The following ADGRA2 variants were observed in gnomAD, a reference collection of about 807,000 sequenced individuals.
ADGRA2 encodes G-protein coupled receptor 124.
Under a neutral mutation model 98.7 loss-of-function variants are expected in ADGRA2, and 61 were observed. The ratio of observed to expected loss-of-function variants is 0.62; its 90% confidence interval spans 0.50 to 0.76. The LOEUF (loss-of-function observed/expected upper bound fraction) is 0.76, where lower values mean the gene tolerates loss of function less well. Among genes scored for constraint, ADGRA2 ranks in the 30% least tolerant of loss-of-function variants. ADGRA2 has a pLI of 0.00. For missense variants in ADGRA2, 1,712 were observed against 1,860.0 expected (o/e 0.92, Z 1.46); for synonymous variants, 858 against 831.5 (o/e 1.03, Z -0.55).
chr8:37,842,142 G>C lies in ADGRA2; in HGVS notation c.3804G>C (p.Arg1268=). ...CCGCGCCGCTTTCTGAGGCGGGCCG[G>C]GCAGGCCAGCGCCGCAGCGCCAGCC... The part of the protein sequence containing the change: ...TSAAPLSEAG[R]AGQRRSASRD... Residue 1268 remains arginine, a synonymous_variant, in exon 19 of 19, where the codon CGG becomes CGC. Transcript: ENST00000412232. The C allele has an allele frequency of 6.6e-7, 1 of 1,505,424 alleles. No individual in the cohort carries two copies. The highest frequency in any genetic ancestry group is 8.8e-7 in the Non-Finnish European group (1 of 1,133,566). 93.3% of individuals were successfully genotyped at this position (1,505,424 alleles called of 1,614,324 possible).
In ADGRA2 at chr8:37,831,555, C is replaced by G; in HGVS notation, c.1065C>G (p.Ala355=). 1.2e-6 allele frequency: 2 copies of G among 1,613,870 alleles called. No individual in the cohort carries two copies. The highest frequency in any genetic ancestry group is 8.5e-7 in the Non-Finnish European group (1 of 1,180,024). Residue 355 remains alanine (A), a synonymous_variant, in exon 8 of 19, where the codon GCC becomes GCG. Transcript: ENST00000412232. Reference sequence around the variant, plus strand: ...AGACCTCTGCCTCCTACTGCCCCGCCGAGCGTGTTGCCAACAACCGCGGGG... The same window carrying G: ...AGACCTCTGCCTCCTACTGCCCCGCGGAGCGTGTTGCCAACAACCGCGGGG... ...VLETSASYCP[A]ERVANNRGDF...
At chr8:37,836,200 T>C (rs1033341535) in intron 13 of ADGRA2, among the ~76,000 whole-genome samples, 13 of 152,204 alleles carry the variant, frequency 8.5e-5, no homozygotes, top group African/African-American at 2.9e-4. Flanking sequence ...CCATAGTCCC[T>C]GCTCCCAGAG....
rs147966564 is a variant in ADGRA2, at chr8:37,844,620, G to A, written c.*2265G>A. 104 of 1,614,144 alleles carry A rather than the reference G, an allele frequency of 6.4e-5. No individual in the cohort carries two copies. The African/African-American group carries it at 1.2e-3, about 18-fold the overall frequency. ...AGAAATGTTCTCATCTCCAGTGACA[G>A]TGGAGACAGGGGGTACAGGGCAGAT... On this transcript the variant is annotated 3_prime_UTR_variant, in exon 19 of 19. Coordinates refer to ENST00000412232, the MANE Select transcript of ADGRA2 (RefSeq NM_032777.10).
chr8:37,830,393 G>C lies in ADGRA2; in HGVS notation c.719-317G>C, dbSNP rs1002651697. Among the ~76,000 whole-genome samples, 1 of 152,118 alleles carries C rather than the reference G, an allele frequency of 6.6e-6. No homozygotes were observed. Among genetic ancestry groups the C allele is most frequent in the Non-Finnish European group, 1.5e-5 (1 of 68,030 alleles). ...TCCTCCAGGGCATCCCCTTTCCCTC[G>C]GTGTCCCGGGGTCAGTCCTCCATCA... On this transcript the variant is annotated intron_variant, in intron 6 of 18. Transcript: ENST00000412232. This position sits in a 1 kb window ranked among gnomAD's most constrained non-coding sequence, Gnocchi z 4.8.
Position 37,842,151 on chromosome 8 carries a change from G to A in ADGRA2, c.3813G>A (p.Gln1271=). The change falls in exon 19 of 19, where the codon CAG becomes CAA. Residue 1271 remains glutamine, a synonymous_variant. Transcript: ENST00000412232. ...TTTCTGAGGCGGGCCGGGCAGGCCA[G>A]CGCCGCAGCGCCAGCCGCGACAGTC... The part of the protein sequence containing the change: ...APLSEAGRAG[Q]RRSASRDSLK... The A allele has an allele frequency of 6.6e-7, 1 of 1,518,580 alleles. No individual in the cohort carries two copies. 94.1% of individuals were successfully genotyped at this position (1,518,580 alleles called of 1,614,324 possible). A position where few individuals can be genotyped will look rare whatever the true frequency, so the allele number is the denominator to read the frequency against.
At chr8:37,822,488 T>TA (rs960049238) in intron 2 of ADGRA2, among the ~76,000 whole-genome samples, 52 of 151,788 alleles carry the variant, frequency 3.4e-4, no homozygotes, top group African/African-American at 1.1e-3. Flanking sequence ...TTCACCCGTT[T>TA]AAAAAAAAGT....
At position 37,814,253 on chromosome 8, in the gene ADGRA2, G is replaced by T. The variant is rs1051358813; in HGVS notation, c.267-643G>T. Among the ~76,000 whole-genome samples the T allele has an allele frequency of 6.6e-6, 1 of 152,052 alleles. No individual in the cohort carries two copies. The highest frequency in any genetic ancestry group is 1.5e-5 in the Non-Finnish European group (1 of 68,012). On this transcript the variant is annotated intron_variant, in intron 1 of 18. Transcript: ENST00000412232. This position sits in a 1 kb window ranked among gnomAD's most constrained non-coding sequence, Gnocchi z 4.3. ...CAAACGAATAAATAAACAGAACCCC[G>T]AGGCGCAGAGGCTGAGGCTGAGGCC...
In ADGRA2 at chr8:37,818,448, C is replaced by A. The variant is rs1226647120; in HGVS notation, c.338+3481C>A. On this transcript the variant is annotated intron_variant, in intron 2 of 18. Transcript: ENST00000412232. Reference sequence around the variant, plus strand: ...CACCAAGGCTCTGGAGGCTGCATAGCAAGTGCACCCTGAGCATGGCAGGCA... The same window carrying A: ...CACCAAGGCTCTGGAGGCTGCATAGAAAGTGCACCCTGAGCATGGCAGGCA... Among the ~76,000 whole-genome samples, 3 of 152,264 alleles carry A rather than the reference C, an allele frequency of 2.0e-5. No individual in the cohort carries two copies. The East Asian group carries it at 5.8e-4, about 29-fold the overall frequency.
chr8:37,842,563 C>A lies in ADGRA2; in HGVS notation c.*208C>A. The A allele has an allele frequency of 1.2e-6, 1 of 843,516 alleles. No individual in the cohort carries two copies. The highest frequency in any genetic ancestry group is 1.6e-6 in the Non-Finnish European group (1 of 612,680). The allele number at this position is 843,516 out of a possible 1,614,324, so 52.3% of individuals were successfully genotyped here. On this transcript the variant is annotated 3_prime_UTR_variant, in exon 19 of 19. Transcript: ENST00000412232. ...TCCCAGAAACACGCATAATACATTT[C>A]CGTCCAGCCCGGGGCAGTCTGACTG... is the stretch of plus-strand genomic sequence containing the variant.
rs546832202 is a variant in ADGRA2, at chr8:37,837,077, G to A, written c.2051-654G>A. Among the ~76,000 whole-genome samples, 8 of 152,340 alleles carry A rather than the reference G, an allele frequency of 5.3e-5. No individual in the cohort carries two copies. The South Asian group carries it at 1.7e-3, about 32-fold the overall frequency. ...TGTAAGTGAGCAGCAGTGAAGAGCAGCTCGTTGTAAGTGAGAAGCAGTGAA... is the reference window on the plus strand; with the variant it reads ...TGTAAGTGAGCAGCAGTGAAGAGCAACTCGTTGTAAGTGAGAAGCAGTGAA... On this transcript the variant is annotated intron_variant, in intron 13 of 18. Transcript: ENST00000412232.
In ADGRA2 at chr8:37,829,820, C is replaced by G. The variant is rs756400455; in HGVS notation, c.555-31C>G. On this transcript the variant is annotated intron_variant, in intron 5 of 18. Transcript: ENST00000412232. Reference sequence around the variant, plus strand: ...CCCATGAGCCCACACTCCCTCTGCTCTGCTCCGTGACCCCTCTGCCCACCC... The same window carrying G: ...CCCATGAGCCCACACTCCCTCTGCTGTGCTCCGTGACCCCTCTGCCCACCC... 11 of 1,595,972 alleles carry G rather than the reference C, an allele frequency of 6.9e-6. No individual in the cohort carries two copies. In the South Asian group the frequency reaches 1.3e-4, roughly 18 times the overall value.
At chr8:37,809,519 G>A (rs979240643) in intron 1 of ADGRA2, among the ~76,000 whole-genome samples, 2 of 152,154 alleles carry the variant, frequency 1.3e-5, no homozygotes, top group Non-Finnish European at 2.9e-5. Flanking sequence ...CTGAGGACTC[G>A]AATCACACAG....
chr8:37,828,336 C>A (rs866501241), intron 2 of ADGRA2, among the ~76,000 whole-genome samples: 25 of 152,290 alleles, frequency 1.6e-4, no homozygotes, highest in Middle Eastern at 3.4e-3. Flanking sequence ...AGGAGGCCTC[C>A]TAACTTCCAA....
intron 2 of ADGRA2, among the ~76,000 whole-genome samples, chr8:37,819,098 C>G (rs1805059349): frequency 6.6e-6 from 1 of 152,114 alleles, no homozygotes; most frequent in African/African-American, 2.4e-5. Flanking sequence ...TCCTCATTGT[C>G]AGAAGAGCTA....
chr8:37,832,115 A>G (rs1193856535), intron 8 of ADGRA2, among the ~76,000 whole-genome samples: 1 of 118,344 alleles, frequency 8.4e-6, no homozygotes, highest in Non-Finnish European at 1.7e-5. Flanking sequence ...GCTGCAGAAA[A>G]AGACTTTTTT....
At position 37,796,990 on chromosome 8, in the gene ADGRA2, A is replaced by G; in HGVS notation, c.-279A>G. The G allele has an allele frequency of 6.1e-6, 1 of 164,994 alleles. No homozygotes were observed. 10.2% of individuals were successfully genotyped at this position (164,994 alleles called of 1,614,324 possible). ...GGCGACGCGGAGGGGCCGGGCCTCC[A>G]GTGTCCCGAGGGCCGGGCGCTGAGA... On this transcript the variant is annotated 5_prime_UTR_variant, in exon 1 of 19. Coordinates refer to ENST00000412232, the MANE Select transcript of ADGRA2 (RefSeq NM_032777.10).
At chr8:37,804,836 G>A (rs929980748) in intron 1 of ADGRA2, among the ~76,000 whole-genome samples, 2 of 152,220 alleles carry the variant, frequency 1.3e-5, no homozygotes, top group Admixed American at 6.5e-5. Flanking sequence ...GGGCTCCCCC[G>A]ACCCCATAAT....
chr8:37,839,287 TG>T, intron 15 of ADGRA2: 1 of 657,482 alleles, frequency 1.5e-6, no homozygotes, highest in Non-Finnish European at 1.9e-6. Flanking sequence ...TTTCCCCAGG[TG>T]GGTCCACATG....
intron 2 of ADGRA2, among the ~76,000 whole-genome samples, chr8:37,822,281 G>T (rs867260606): frequency 6.6e-6 from 1 of 152,144 alleles, no homozygotes; most frequent in South Asian, 2.1e-4. Flanking sequence ...AGGCTGCTTT[G>T]TGGCCTCCGA....
Sources: gnomAD v4.1 joint callset for allele counts (sites outside exome capture counted in the v4.1 genomes callset) on GRCh38, gnomAD v4.1.1 for gene constraint, Gnocchi (gnomAD v3.1) non-coding constraint, MANE v1.5 for transcripts, NCBI Gene and HGNC (gene_info 2026-07-23, HGNC 2026-07-21) for gene names.